The following FAM107B variants were observed in gnomAD, a reference collection of about 807,000 sequenced individuals.
FAM107B encodes the protein protein FAM107B.
Under a neutral mutation model 31.5 loss-of-function variants are expected in FAM107B, and 21 were observed. The ratio of observed to expected loss-of-function variants is 0.67; its 90% CI spans 0.47 to 0.96. The LOEUF (loss-of-function observed/expected upper bound fraction) is 0.96. FAM107B is among the 40% of genes least tolerant of loss of function. The pLI, the probability that FAM107B is intolerant of heterozygous loss-of-function variation, is 0.00. For missense variants in FAM107B, 452 were observed against 377.1 expected (o/e 1.20, Z -1.64); for synonymous variants, 157 against 141.5 (o/e 1.11, Z -0.78).
chr10:14,732,083 C>A (rs921590897), intron 1 of FAM107B, among the ~76,000 whole-genome samples: 8 of 152,200 alleles, frequency 5.3e-5, no homozygotes, highest in African/African-American at 1.4e-4. Context: ...AATAACAACA[C>A]CTTGCACTCT....
chr10:14,693,761 C>G (rs1459535552), intron 1 of FAM107B, among the ~76,000 whole-genome samples: 1 of 152,114 alleles, frequency 6.6e-6, no homozygotes, highest in Non-Finnish European at 1.5e-5. Context: ...TCTCTTCTCC[C>G]CACCTACCCT....
intron 3 of FAM107B, among the ~76,000 whole-genome samples, chr10:14,527,576 C>G (rs1846428521): frequency 6.6e-6 from 1 of 152,216 alleles, no homozygotes; most frequent in Non-Finnish European, 1.5e-5. Flanking sequence ...ATTATGTAAT[C>G]TTGAGATGAT....
At chr10:14,686,869 T>A (rs958327184) in intron 1 of FAM107B, among the ~76,000 whole-genome samples, 1 of 152,242 alleles carries the variant, frequency 6.6e-6, no homozygotes, top group Non-Finnish European at 1.5e-5. Context: ...AGCCCTCTCC[T>A]GGGCCCCACC....
At chr10:14,543,774 A>G (rs1848460002) in intron 2 of FAM107B, among the ~76,000 whole-genome samples, 1 of 152,084 alleles carries the variant, frequency 6.6e-6, no homozygotes, top group Non-Finnish European at 1.5e-5. Flanking sequence ...TTATCTGCAA[A>G]AAGAGAAGGC....
At chr10:14,584,431 C>CA (rs1218078000) in intron 2 of FAM107B, among the ~76,000 whole-genome samples, 5 of 152,220 alleles carry the variant, frequency 3.3e-5, no homozygotes, top group Non-Finnish European at 7.3e-5. Flanking sequence ...CCTCGGCACT[C>CA]AGAGTCTTTC....
intron 2 of FAM107B, among the ~76,000 whole-genome samples, chr10:14,631,408 A>T (rs573383398): frequency 1.3e-5 from 2 of 152,312 alleles, no homozygotes; most frequent in South Asian, 4.1e-4. Context: ...TATCTGTTTA[A>T]ACAGAAGAGA....
At chr10:14,599,813 C>T (rs537786323) in intron 2 of FAM107B, among the ~76,000 whole-genome samples, 22 of 148,668 alleles carry the variant, frequency 1.5e-4, no homozygotes, top group African/African-American at 4.5e-4. Flanking sequence ...TCAGTGCCAG[C>T]GTGTACCCTG....
chr10:14,521,015 C>T lies in FAM107B; in HGVS notation c.*175G>A. On this transcript the variant is annotated 3_prime_UTR_variant, in exon 5 of 5. Transcript: ENST00000181796. ...CCCTTCATTTGGCGAATAGGAACTG[C>T]AACTGTCACAGGCAAGGCATCCACC... The T allele has an allele frequency of 1.7e-6, 1 of 578,844 alleles. No individual in the cohort carries two copies. Among genetic ancestry groups the T allele is most frequent in the Non-Finnish European group, 3.0e-6 (1 of 328,502 alleles). The allele number at this position is 578,844 out of a possible 1,614,324, so 35.9% of individuals were successfully genotyped here.
chr10:14,767,320 G>C (rs1833203479), intron 1 of FAM107B, among the ~76,000 whole-genome samples: 1 of 151,368 alleles, frequency 6.6e-6, no homozygotes, highest in Non-Finnish European at 1.5e-5. Context: ...TCGAACTCCT[G>C]ACCTCATATG....
chr10:14,673,092 T>C (rs1854598987), intron 1 of FAM107B, among the ~76,000 whole-genome samples: 1 of 152,216 alleles, frequency 6.6e-6, no homozygotes, highest in South Asian at 2.1e-4. Flanking sequence ...GCAGGGTAAT[T>C]AGCCTGTCCG....
chr10:14,628,117 T>TTTTTTTTC (rs1853218310), intron 2 of FAM107B, among the ~76,000 whole-genome samples: 1 of 122,396 alleles, frequency 8.2e-6, no homozygotes, highest in African/African-American at 3.5e-5. Context: ...TGCTGGTTTT[T>TTTTTTTTC]TTTTTTTTTT....
chr10:14,623,781 G>A (rs1399147839), intron 2 of FAM107B, among the ~76,000 whole-genome samples: 1 of 152,106 alleles, frequency 6.6e-6, no homozygotes, highest in Non-Finnish European at 1.5e-5. Flanking sequence ...AGCTGAGATC[G>A]CCCACTGCAC....
At chr10:14,697,680 T>C (rs1238725628) in intron 1 of FAM107B, among the ~76,000 whole-genome samples, 1 of 152,234 alleles carries the variant, frequency 6.6e-6, no homozygotes, top group Non-Finnish European at 1.5e-5. Flanking sequence ...CTCAGACCTA[T>C]ACAGCTGCTG....
chr10:14,557,943 A>G (rs1464456307), intron 2 of FAM107B, among the ~76,000 whole-genome samples: 1 of 152,266 alleles, frequency 6.6e-6, no homozygotes, highest in East Asian at 1.9e-4. Flanking sequence ...AGGAGAGATG[A>G]GGTAAAGCTG....
rs931136536 is a variant in FAM107B, at chr10:14,661,350, T to C, written c.469+6284A>G. Among the ~76,000 whole-genome samples the C allele has an allele frequency of 2.6e-5, 4 of 152,144 alleles. 1 individual carries two copies. Among genetic ancestry groups the C allele is most frequent in the African/African-American group, 7.2e-5 (3 of 41,440 alleles). On this transcript the variant is annotated intron_variant, in intron 2 of 4. Transcript: ENST00000181796. ...GTCCAAGACAGTGTGTCCAGATGAG[T>C]TGAACATCTAAATCAGTAAACTCAG...
intron 2 of FAM107B, among the ~76,000 whole-genome samples, chr10:14,586,751 T>C (rs1222122337): frequency 6.6e-6 from 1 of 152,148 alleles, no homozygotes; most frequent in Non-Finnish European, 1.5e-5. Flanking sequence ...GCAGCCCAAA[T>C]GGATGAAGAC....
chr10:14,615,146 T>C (rs567458596), intron 2 of FAM107B, among the ~76,000 whole-genome samples: 3 of 152,082 alleles, frequency 2.0e-5, no homozygotes, highest in Non-Finnish European at 2.9e-5. Context: ...CTGTCCAATA[T>C]AGTGAAAACT....
intron 2 of FAM107B, among the ~76,000 whole-genome samples, chr10:14,643,424 T>C (rs1339120372): frequency 6.6e-6 from 1 of 151,702 alleles, no homozygotes; most frequent in Non-Finnish European, 1.5e-5. Context: ...TTTTTTTTTT[T>C]TTTGAGACAG....
intron 2 of FAM107B, among the ~76,000 whole-genome samples, chr10:14,543,310 CAAG>C (rs1440909183): frequency 6.6e-6 from 1 of 152,160 alleles, no homozygotes; most frequent in African/African-American, 2.4e-5. Context: ...TTTTGAATTG[CAAG>C]AAGAAAACTA....
Sources: gnomAD v4.1 joint callset for allele counts (sites outside exome capture counted in the v4.1 genomes callset) on GRCh38, gnomAD v4.1.1 for gene constraint, MANE v1.5 for transcripts, NCBI Gene and HGNC (gene_info 2026-07-23, HGNC 2026-07-21) for gene names.